The following ELAPOR1 variants were observed in gnomAD, a reference collection of about 807,000 sequenced individuals.
ELAPOR1 encodes the protein endosome/lysosome-associated apoptosis and autophagy regulator 1.
In ELAPOR1, 77 loss-of-function variants were observed where a neutral mutation model predicts 119.7. That is an observed-to-expected ratio of 0.64 (90% CI 0.54 to 0.78). The LOEUF (loss-of-function observed/expected upper bound fraction) is 0.78. Ranked by LOEUF, ELAPOR1 falls within the 30% of genes least tolerant of loss-of-function variation. The pLI, the probability that ELAPOR1 is intolerant of heterozygous loss-of-function variation, is 0.00. For missense variants in ELAPOR1, 1,115 were observed against 1,270.4 expected (o/e 0.88, Z 1.86); for synonymous variants, 481 against 487.2 (o/e 0.99, Z 0.17).
chr1:109,133,341 G>A (rs1165751921), intron 1 of ELAPOR1, among the ~76,000 whole-genome samples: 1 of 143,924 alleles, frequency 6.9e-6, no homozygotes, highest in African/African-American at 2.8e-5. Flanking sequence ...CTTTCTAGTG[G>A]CCAAAGTAGA....
intron 1 of ELAPOR1, among the ~76,000 whole-genome samples, chr1:109,135,318 A>C (rs1451186525): frequency 2.0e-5 from 3 of 151,812 alleles, no homozygotes; most frequent in Admixed American, 1.3e-4. Context: ...ATCTCGGCTC[A>C]CTGCAACTTC....
chr1:109,120,003 C>T (rs1648288942), intron 1 of ELAPOR1, among the ~76,000 whole-genome samples: 1 of 152,096 alleles, frequency 6.6e-6, no homozygotes, highest in Non-Finnish European at 1.5e-5. Flanking sequence ...TTTGTGTCCC[C>T]CCTAAATTCA....
intron 15 of ELAPOR1, among the ~76,000 whole-genome samples, chr1:109,196,769 G>A (rs1272266409): frequency 1.3e-5 from 2 of 150,810 alleles, no homozygotes; most frequent in South Asian, 4.2e-4. Context: ...TGCAACCTCC[G>A]CCTCCCAGGT....
chr1:109,169,144 G>A (rs1016713280), intron 3 of ELAPOR1, among the ~76,000 whole-genome samples: 3 of 150,546 alleles, frequency 2.0e-5, no homozygotes, highest in African/African-American at 7.3e-5. Flanking sequence ...TTCGTTTTGA[G>A]AATAACACTG....
chr1:109,122,932 C>G (rs1336403169), intron 1 of ELAPOR1, among the ~76,000 whole-genome samples: 2 of 151,988 alleles, frequency 1.3e-5, no homozygotes, highest in African/African-American at 2.4e-5. Context: ...AAGACCCTGT[C>G]TCACAAAAAA....
intron 1 of ELAPOR1, among the ~76,000 whole-genome samples, chr1:109,117,422 T>C (rs532954152): frequency 6.6e-6 from 1 of 152,350 alleles, no homozygotes; most frequent in African/African-American, 2.4e-5. Flanking sequence ...CTCTACCTTA[T>C]CCTGAGGCTC....
At chr1:109,158,329 T>C (rs1259092405) in intron 1 of ELAPOR1, among the ~76,000 whole-genome samples, 1 of 139,318 alleles carries the variant, frequency 7.2e-6, no homozygotes, top group East Asian at 1.9e-4. Flanking sequence ...TTTTTTTTGG[T>C]CATTTCAGCA....
intron 1 of ELAPOR1, among the ~76,000 whole-genome samples, chr1:109,128,710 G>A (rs915275715): frequency 6.6e-6 from 1 of 152,210 alleles, no homozygotes; most frequent in African/African-American, 2.4e-5. Flanking sequence ...TAGTTGTTAA[G>A]CAGTTGTTGA....
chr1:109,170,767 G>A (rs1651872898), intron 3 of ELAPOR1, among the ~76,000 whole-genome samples: 1 of 152,220 alleles, frequency 6.6e-6, no homozygotes, highest in African/African-American at 2.4e-5. Flanking sequence ...GCATGCAGAG[G>A]GCTTGGAGGA....
chr1:109,152,895 T>G (rs1650618321), intron 1 of ELAPOR1, among the ~76,000 whole-genome samples: 1 of 137,760 alleles, frequency 7.3e-6, no homozygotes, highest in South Asian at 2.3e-4. Flanking sequence ...GCAGTTGCAG[T>G]GAGCCGAGAT....
chr1:109,121,368 A>C (rs1648403417), intron 1 of ELAPOR1, among the ~76,000 whole-genome samples: 1 of 152,190 alleles, frequency 6.6e-6, no homozygotes, highest in African/African-American at 2.4e-5. Context: ...ACTGGTCTCG[A>C]ACTCTTGACC....
At chr1:109,179,126 C>T (rs575996725) in intron 7 of ELAPOR1, among the ~76,000 whole-genome samples, 2 of 149,244 alleles carry the variant, frequency 1.3e-5, no homozygotes, top group African/African-American at 2.5e-5. Flanking sequence ...AAGGGCCAGG[C>T]GCAGTGGCTC....
At position 109,188,931 on chromosome 1, in the gene ELAPOR1, T is replaced by C. The variant is rs889365885; in HGVS notation, c.1220-135T>C. On this transcript the variant is annotated intron_variant, in intron 9 of 21. Coordinates refer to ENST00000369939, the MANE Select transcript of ELAPOR1 (RefSeq NM_020775.5). ...TGTTTTTGAGTCAACTTGATACAAC[T>C]TCCTGCAGCAGTACTCAGCAGCCAG... is the stretch of plus-strand genomic sequence containing the variant. The C allele has an allele frequency of 1.2e-5, 11 of 938,380 alleles. No individual in the cohort carries two copies. The African/African-American group carries it at 1.8e-4, about 15-fold the overall frequency. The allele number at this position is 938,380 out of a possible 1,614,324, so 58.1% of individuals were successfully genotyped here. A position where few individuals can be genotyped will look rare whatever the true frequency, so the allele number is the denominator to read the frequency against.
At chr1:109,197,167 G>A (rs1653857070) in intron 15 of ELAPOR1, among the ~76,000 whole-genome samples, 1 of 151,104 alleles carries the variant, frequency 6.6e-6, no homozygotes. Context: ...TTAACCTGCG[G>A]TTCCAGCTAC....
intron 1 of ELAPOR1, among the ~76,000 whole-genome samples, chr1:109,160,841 G>A (rs962945033): frequency 6.6e-6 from 1 of 152,194 alleles, no homozygotes; most frequent in African/African-American, 2.4e-5. Context: ...AGGAAGAAAC[G>A]CTTAAGGGCA....
chr1:109,137,966 G>T (rs1256964179), intron 1 of ELAPOR1, among the ~76,000 whole-genome samples: 1 of 152,210 alleles, frequency 6.6e-6, no homozygotes, highest in African/African-American at 2.4e-5. Flanking sequence ...TAGAATGAAG[G>T]TCAAGTTAGC....
At chr1:109,201,567 C>A (rs41279694) in intron 21 of ELAPOR1, 53 of 331,988 alleles carry the variant, frequency 1.6e-4, no homozygotes, top group Non-Finnish European at 2.6e-4. Flanking sequence ...TGAACCAGTT[C>A]ATCCCAATAG....
At chr1:109,141,518 C>T (rs1177185463) in intron 1 of ELAPOR1, among the ~76,000 whole-genome samples, 1 of 152,098 alleles carries the variant, frequency 6.6e-6, no homozygotes, top group Non-Finnish European at 1.5e-5. Context: ...GCCTCAGCCT[C>T]CCAAAGTGCT....
At chr1:109,122,538 G>A (rs1648504915) in intron 1 of ELAPOR1, among the ~76,000 whole-genome samples, 1 of 152,014 alleles carries the variant, frequency 6.6e-6, no homozygotes, top group African/African-American at 2.4e-5. Context: ...GCCCACGCCT[G>A]TAGACCCAGA....
Sources: gnomAD v4.1 joint callset for allele counts (sites outside exome capture counted in the v4.1 genomes callset) on GRCh38, gnomAD v4.1.1 for gene constraint, MANE v1.5 for transcripts, NCBI Gene and HGNC (gene_info 2026-07-23, HGNC 2026-07-21) for gene names.